COG7: variants seen among roughly 807,000 people sequenced by gnomAD.
The protein encoded by COG7 is component of oligomeric golgi complex 7, also known as conserved oligomeric Golgi complex subunit 7.
COG7 carries 49 observed loss-of-function variants against 91.5 expected under a neutral mutation model. The ratio of observed to expected loss-of-function variants is 0.54; its 90% CI spans 0.43 to 0.68. COG7 has a LOEUF of 0.68. Ranked by LOEUF, COG7 falls within the 30% of genes least tolerant of loss-of-function variation. COG7 has a pLI of 0.00. For synonymous variants in COG7, 365 were observed against 388.7 expected (o/e 0.94, Z 0.72); for missense variants, 895 against 961.3 (o/e 0.93, Z 0.91).
intron 3 of COG7, among the ~76,000 whole-genome samples, chr16:23,443,569 T>C (rs986154136): frequency 1.3e-5 from 2 of 151,350 alleles, no homozygotes; most frequent in Admixed American, 1.3e-4. Context: ...CGTCCACCTG[T>C]AATCCCAGCT....
intron 4 of COG7, among the ~76,000 whole-genome samples, chr16:23,436,219 C>T (rs920291269): frequency 2.6e-5 from 4 of 152,138 alleles, no homozygotes; most frequent in Non-Finnish European, 5.9e-5. Context: ...AAGATTCTAG[C>T]TCAAAAAACA....
intron 7 of COG7, 87 bp downstream of exon 7, chr16:23,424,662 C>CT (rs1963814733): frequency 7.2e-7 from 1 of 1,391,028 alleles, no homozygotes; most frequent in Non-Finnish European, 1.0e-6. Flanking sequence ...AATCAGTCAT[C>CT]TGAAAAGGCA....
chr16:23,393,162 G>A, intron 15 of COG7, 71 bp downstream of exon 15: 1 of 1,070,162 alleles, frequency 9.3e-7, no homozygotes, highest in South Asian at 1.3e-5. Context: ...AGGATAAGGT[G>A]TCATCTGGAG....
intron 13 of COG7, 122 bp from the exon 14 acceptor site, chr16:23,398,251 AC>A: frequency 3.8e-6 from 3 of 785,200 alleles, no homozygotes; most frequent in Non-Finnish European, 6.6e-6. Context: ...GTTGGAGCTG[AC>A]CGTTGGAGCC....
At position 23,413,323 on chromosome 16, in the gene COG7, T is replaced by A; in HGVS notation, c.1409+125A>T. 4.0e-6 allele frequency: 3 copies of A among 754,704 alleles called. No individual in the cohort carries two copies. The South Asian group carries it at 4.1e-5, about 10-fold the overall frequency. The allele number at this position is 754,704 out of a possible 1,614,324, so 46.8% of individuals were successfully genotyped here. On this transcript the variant is annotated intron_variant, in intron 10 of 16. Coordinates refer to ENST00000307149, the MANE Select transcript of COG7 (RefSeq NM_153603.4). ...TTTAGAGTCTGGAGTATTTGCTTTT[T>A]AAAAAGGCAGTGAAAGAAAAAAAAC...
chr16:23,392,380 C>T lies in COG7; in HGVS notation c.2146G>A (p.Asp716Asn), dbSNP rs758228401. ...CACCGCCTGTCTTGTGGGGACCCAC[C>T]GATGTCAGTGGCCAGCTGCTTGGCA... is the stretch of plus-strand genomic sequence containing the variant. ...HSAKQLATDI[D>N]YLINVMDALG... The change falls in exon 16 of 17, where the codon GAC becomes AAC. Residue 716 changes from aspartate to asparagine, a missense_variant and splice_region_variant. Physicochemically the swap from Asp to Asn is conservative, Grantham distance 23 (BLOSUM62 1). Transcript: ENST00000307149. 19 of 1,614,030 alleles carry T rather than the reference C, an allele frequency of 1.2e-5. No individual in the cohort carries two copies. Among genetic ancestry groups the T allele is most frequent in the East Asian group, 2.2e-5 (1 of 44,886 alleles).
Position 23,449,380 on chromosome 16 carries a change from TTAAAATAAAATAAAA to T in COG7, c.169+3431_170-3420del, listed in dbSNP as rs373494185. Among the ~76,000 whole-genome samples, 605 of 134,710 alleles carry T rather than the reference TTAAAATAAAATAAAA, an allele frequency of 4.5e-3. 2 individuals are homozygous for T. Among genetic ancestry groups the T allele is most frequent in the South Asian group, 0.017 (74 of 4,260 alleles). 88.4% of individuals were successfully genotyped at this position (134,710 alleles called of 152,430 possible). A position where few individuals can be genotyped will look rare whatever the true frequency, so the allele number is the denominator to read the frequency against. On this transcript the variant is annotated intron_variant, in intron 1 of 16. Coordinates refer to ENST00000307149, the MANE Select transcript of COG7 (RefSeq NM_153603.4). ...TCCATCTCAAAAAAATAAAATTAAATTAAAATAAAATAAAATAAAATAAAATAAAATAAAATAAAA... is the reference window on the plus strand; with the variant it reads ...TCCATCTCAAAAAAATAAAATTAAATTAAAATAAAATAAAATAAAATAAAA...
chr16:23,438,357 A>G (rs551982605), intron 4 of COG7, among the ~76,000 whole-genome samples: 38 of 152,238 alleles, frequency 2.5e-4, no homozygotes, highest in African/African-American at 8.9e-4. Flanking sequence ...CCAGGAGTCT[A>G]AGACCAGCCT....
In COG7 at chr16:23,413,519, C is replaced by G; in HGVS notation, c.1338G>C (p.Lys446Asn). Residue 446 changes from lysine to asparagine, a missense_variant, in exon 10 of 17, where the codon AAG (lysine) becomes AAC (asparagine). Coordinates refer to ENST00000307149, the MANE Select transcript of COG7 (RefSeq NM_153603.4). ...FTSTLQSIRK[K>N]CKLDHIPPNS... ...TGGGAGGAATGTGGTCCAGTTTGCA[C>G]TTCTTTCGTATGGACTGGAGAGTGC... The G allele has an allele frequency of 6.2e-7, 1 of 1,613,266 alleles. No individual in the cohort carries two copies. The highest frequency in any genetic ancestry group is 1.7e-4 in the Middle Eastern group (1 of 6,058).
At chr16:23,405,322 T>TCCTGGGTTGGG (rs1963441795) in intron 12 of COG7, among the ~76,000 whole-genome samples, 1 of 152,118 alleles carries the variant, frequency 6.6e-6, no homozygotes, top group African/African-American at 2.4e-5. Context: ...CTCCTCCTGG[T>TCCTGGGTTGGG]ATCCTGGGTT....
chr16:23,423,392 C>A (rs997151445), intron 7 of COG7, among the ~76,000 whole-genome samples: 1 of 152,162 alleles, frequency 6.6e-6, no homozygotes, highest in African/African-American at 2.4e-5. Flanking sequence ...ACTTCCAGAT[C>A]TGTCTCAAGG....
intron 6 of COG7, among the ~76,000 whole-genome samples, chr16:23,428,369 TAAAA>T (rs994769908): frequency 1.3e-5 from 2 of 150,286 alleles, no homozygotes; most frequent in African/African-American, 4.9e-5. Flanking sequence ...AAATAAAAAA[TAAAA>T]AAAACCTGCT....
chr16:23,433,250 C>T (rs2142087153), intron 6 of COG7, among the ~76,000 whole-genome samples: 1 of 152,206 alleles, frequency 6.6e-6, no homozygotes, highest in African/African-American at 2.4e-5. Context: ...GCCACCACAC[C>T]TGGCTAACTT....
intron 1 of COG7, among the ~76,000 whole-genome samples, chr16:23,451,067 C>A (rs1023473549): frequency 3.9e-5 from 6 of 152,138 alleles, no homozygotes; most frequent in African/African-American, 1.4e-4. Context: ...GGGGCACGCA[C>A]CTGTAATCCC....
rs1964293283 is a variant in COG7, at chr16:23,453,049, A to G, written c.-55T>C. On this transcript the variant is annotated 5_prime_UTR_variant, in exon 1 of 17. Transcript: ENST00000307149. ...AACTTAAGAGTTGGCTCCGGGCGGC[A>G]ACGGGGATGCAGAAGCGAGCGAGCC... The G allele has an allele frequency of 6.2e-7, 1 of 1,610,262 alleles. No homozygotes were observed. Among genetic ancestry groups the G allele is most frequent in the African/African-American group, 1.3e-5 (1 of 74,890 alleles).
At chr16:23,435,359 T>G (rs367682601) in intron 4 of COG7, among the ~76,000 whole-genome samples, 2 of 152,042 alleles carry the variant, frequency 1.3e-5, no homozygotes, top group East Asian at 3.9e-4. Context: ...AGAGCAAGAC[T>G]CCCTCTAAAA....
Position 23,388,843 on chromosome 16 carries a change from A to C in COG7, c.*77T>G, listed in dbSNP as rs1963136991. 25 of 1,605,574 alleles carry C rather than the reference A, an allele frequency of 1.6e-5. No homozygotes were observed. In the South Asian group the frequency reaches 2.5e-4, roughly 16 times the overall value. Reference sequence around the variant, plus strand: ...GTAACTTCTGCCCAATCTTGGGCAGAGTTTCTGAGCAAATCTGTGCTGGTG... The same window carrying C: ...GTAACTTCTGCCCAATCTTGGGCAGCGTTTCTGAGCAAATCTGTGCTGGTG... On this transcript the variant is annotated 3_prime_UTR_variant, in exon 17 of 17. Transcript: ENST00000307149.
At chr16:23,441,026 G>A (rs1964092426) in intron 4 of COG7, among the ~76,000 whole-genome samples, 1 of 151,928 alleles carries the variant, frequency 6.6e-6, no homozygotes, top group African/African-American at 2.4e-5. Context: ...TGAACAGATA[G>A]TTGATGTTCT....
At chr16:23,425,179 G>A (rs924169217) in intron 6 of COG7, among the ~76,000 whole-genome samples, 3 of 152,112 alleles carry the variant, frequency 2.0e-5, no homozygotes, top group African/African-American at 7.2e-5. Context: ...GTGTGATGGC[G>A]CATGCCTGTA....
Sources: allele counts gnomAD v4.1 joint callset (sites outside exome capture counted in the v4.1 genomes callset), GRCh38; gene constraint gnomAD v4.1.1; transcripts MANE v1.5; gene names NCBI Gene and HGNC (gene_info 2026-07-23, HGNC 2026-07-21).